Variants in DDHD1 observed in about 807,000 individuals in gnomAD.
DDHD1 encodes the protein DDHD domain containing 1.
Under a neutral mutation model 96.4 loss-of-function variants are expected in DDHD1, and 49 were observed. The ratio of observed to expected loss-of-function variants is 0.51; its 90% CI spans 0.40 to 0.64. The LOEUF is 0.64. Among genes scored for constraint, DDHD1 ranks in the 30% least tolerant of loss-of-function variants. DDHD1 has a pLI of 0.00. For missense variants in DDHD1, 1,106 were observed against 1,161.2 expected, an observed-to-expected ratio of 0.95 and a Z score of 0.69; for synonymous variants, 442 against 446.5, an observed-to-expected ratio of 0.99 and a Z score of 0.13.
At chr14:53,095,089 C>T (rs766031006) in intron 2 of DDHD1, among the ~76,000 whole-genome samples, 2 of 152,146 alleles carry the variant, frequency 1.3e-5, no homozygotes, top group African/African-American at 2.4e-5. Flanking sequence ...ATTGATATAA[C>T]ATATCCATCA....
chr14:53,142,213 G>C (rs1002388342), intron 1 of DDHD1, among the ~76,000 whole-genome samples: 2 of 152,236 alleles, frequency 1.3e-5, no homozygotes, highest in African/African-American at 2.4e-5. Context: ...ACAAAGATCT[G>C]TGTATCTGTT....
rs1177088684 is a variant in DDHD1 at position 53,152,543 on chromosome 14, C to G, written c.556G>C (p.Asp186His). The change falls in exon 1 of 13, where the codon GAC becomes CAC. Residue 186 changes from aspartate to histidine, a missense_variant. Physicochemically the swap from Asp to His is moderately conservative, Grantham distance 81. Coordinates refer to ENST00000673822, the MANE Select transcript of DDHD1 (RefSeq NM_001160148.2). Reference protein sequence around the residue: ...KKTWKPFIGYDSLRIELAFRT... With the variant: ...KKTWKPFIGYHSLRIELAFRT... ...AAGGCGAGCTCGATGCGGAGCGAGT[C>G]GTAGCCGATGAAGGGCTTCCAGGTC... The G allele has an allele frequency of 1.2e-6, 2 of 1,613,532 alleles. No individual in the cohort carries two copies. Among genetic ancestry groups the G allele is most frequent in the Admixed American group, 3.3e-5 (2 of 60,028 alleles).
intron 12 of DDHD1, among the ~76,000 whole-genome samples, chr14:53,049,657 C>CAAAA (rs11323291): frequency 4.0e-4 from 34 of 84,714 alleles, no homozygotes; most frequent in Admixed American, 5.2e-4. Flanking sequence ...TGAGCTAGGT[C>CAAAA]AAAAAAAAAA....
At chr14:53,089,456 T>C (rs1266380290) in intron 4 of DDHD1, among the ~76,000 whole-genome samples, 1 of 152,082 alleles carries the variant, frequency 6.6e-6, no homozygotes, top group African/African-American at 2.4e-5. Context: ...GGTACTGGTA[T>C]CAAAACAGAG....
At position 53,068,057 on chromosome 14, in the gene DDHD1, T is replaced by C. The variant is rs9646130; in HGVS notation, c.1503+4540A>G. ...AATCAACTTTATAAATTTATTTTGATATAATATTTCATCTAATCTACCATC... is the reference window on the plus strand; with the variant it reads ...AATCAACTTTATAAATTTATTTTGACATAATATTTCATCTAATCTACCATC... On this transcript the variant is annotated intron_variant, in intron 6 of 12. Transcript: ENST00000673822. Among the ~76,000 whole-genome samples, 1,081 of 152,266 alleles carry C rather than the reference T, an allele frequency of 7.1e-3. 4 individuals are homozygous for C. Among genetic ancestry groups the C allele is most frequent in the Non-Finnish European group, 9.4e-3 (640 of 68,028 alleles).
At chr14:53,048,669 T>C (rs1383951733) in intron 12 of DDHD1, 1 of 152,178 alleles carries the variant, frequency 6.6e-6, no homozygotes, top group South Asian at 2.1e-4. Context: ...TAAATTACAA[T>C]AAGCTAATCA....
At position 53,040,435 on chromosome 14, in the gene DDHD1, G is replaced by C. The variant is rs547710801; in HGVS notation, c.*6333C>G. On this transcript the variant is annotated 3_prime_UTR_variant, in exon 13 of 13. Transcript: ENST00000673822. ...AGGATTATTTTCTCCAGAATGCTTAGAACAGCCTAGTCTGAGGTTGCTCAC... is the reference window on the plus strand; with the variant it reads ...AGGATTATTTTCTCCAGAATGCTTACAACAGCCTAGTCTGAGGTTGCTCAC... The C allele has an allele frequency of 6.6e-6, 1 of 152,170 alleles. No homozygotes were observed. Among genetic ancestry groups the C allele is most frequent in the East Asian group, 1.9e-4 (1 of 5,194 alleles). 9.4% of individuals were successfully genotyped at this position (152,170 alleles called of 1,614,324 possible).
At chr14:53,071,331 T>C (rs1041109571) in intron 6 of DDHD1, among the ~76,000 whole-genome samples, 12 of 152,074 alleles carry the variant, frequency 7.9e-5, no homozygotes, top group Admixed American at 2.6e-4. Flanking sequence ...TTAAGTACTA[T>C]AACAATAAGT....
chr14:53,101,383 A>G (rs1387852722), intron 2 of DDHD1, among the ~76,000 whole-genome samples: 2 of 152,128 alleles, frequency 1.3e-5, no homozygotes, highest in African/African-American at 4.8e-5. Context: ...AGTGACCAAA[A>G]ATTATGACAA....
intron 9 of DDHD1, among the ~76,000 whole-genome samples, chr14:53,057,495 G>C (rs1883161008): frequency 6.6e-6 from 1 of 152,054 alleles, no homozygotes; most frequent in African/African-American, 2.4e-5. Flanking sequence ...GTTTTATTTT[G>C]ATGTTCAGTA....
chr14:53,151,756 C>T (rs1339948892), intron 1 of DDHD1, among the ~76,000 whole-genome samples: 1 of 152,176 alleles, frequency 6.6e-6, no homozygotes, highest in Non-Finnish European at 1.5e-5. Flanking sequence ...CCGAACACAC[C>T]CAGTGGGAAC....
At chr14:53,067,157 T>C (rs1273750039) in intron 6 of DDHD1, among the ~76,000 whole-genome samples, 1 of 128,750 alleles carries the variant, frequency 7.8e-6, no homozygotes, top group Non-Finnish European at 1.6e-5. Context: ...ATTCCTTTTC[T>C]TTTTTTTTTT....
Position 53,138,234 on chromosome 14 carries a change from A to C in DDHD1, c.838+14027T>G, listed in dbSNP as rs1276254470. ...AGCTTGGCCAACATGGTGAAACCTT[A>C]TCTCTACTAAAAATACAAAAATTAG... On this transcript the variant is annotated intron_variant, in intron 1 of 12. Transcript: ENST00000673822. Among the ~76,000 whole-genome samples, 3 of 152,268 alleles carry C rather than the reference A, an allele frequency of 2.0e-5. No homozygotes were observed. The East Asian group carries it at 5.8e-4, about 29-fold the overall frequency.
chr14:53,093,559 G>T (rs889750777), intron 2 of DDHD1, 115 bp from the exon 3 acceptor site: 5 of 1,347,784 alleles, frequency 3.7e-6, no homozygotes, highest in Admixed American at 2.6e-5. Flanking sequence ...CTCAGATATG[G>T]AACTTAATTC....
intron 6 of DDHD1, among the ~76,000 whole-genome samples, chr14:53,067,864 G>GTA (rs1884174779): frequency 6.6e-6 from 1 of 152,118 alleles, no homozygotes; most frequent in Admixed American, 6.5e-5. Flanking sequence ...TGTTAGCATT[G>GTA]TATTCCATTT....
intron 1 of DDHD1, 49 bp from the exon 2 acceptor site, chr14:53,103,905 C>T (rs1319712196): frequency 6.7e-7 from 1 of 1,485,754 alleles, no homozygotes; most frequent in South Asian, 1.4e-5. Flanking sequence ...ATTCAACTTC[C>T]CCAAAAGAGA....
intron 4 of DDHD1, among the ~76,000 whole-genome samples, chr14:53,089,272 T>A (rs567922314): frequency 1.3e-5 from 2 of 152,176 alleles, no homozygotes; most frequent in South Asian, 4.1e-4. Flanking sequence ...GCCATCCCCA[T>A]CAAGCTACCA....
At chr14:53,090,567 C>G (rs1886347657) in intron 4 of DDHD1, among the ~76,000 whole-genome samples, 1 of 152,152 alleles carries the variant, frequency 6.6e-6, no homozygotes, top group African/African-American at 2.4e-5. Flanking sequence ...AGTTCATGTC[C>G]TTTGTATGGA....
At chr14:53,086,281 A>G (rs1420082225) in intron 4 of DDHD1, among the ~76,000 whole-genome samples, 2 of 152,184 alleles carry the variant, frequency 1.3e-5, no homozygotes, top group African/African-American at 4.8e-5. Flanking sequence ...GCCAACATTC[A>G]AATTCAGGAA....
Sources: gnomAD v4.1 joint callset for allele counts (sites outside exome capture counted in the v4.1 genomes callset) on GRCh38, gnomAD v4.1.1 for gene constraint, MANE v1.5 for transcripts, NCBI Gene and HGNC (gene_info 2026-07-23, HGNC 2026-07-21) for gene names.